The following CELF2 variants were observed in gnomAD, a reference collection of about 807,000 sequenced individuals.
CELF2 encodes CUGBP Elav-like family member 2.
CELF2 carries 8 observed loss-of-function variants against 62.6 expected under a neutral mutation model. That is an observed-to-expected ratio of 0.13 (90% CI 0.07 to 0.23). The LOEUF is 0.23. Ranked by LOEUF, CELF2 falls within the 10% of genes least tolerant of loss-of-function variation. CELF2 has a pLI of 1.00. For missense variants in CELF2, 333 were observed against 671.0 expected (o/e 0.50, Z 5.56); for synonymous variants, 258 against 250.0 (o/e 1.03, Z -0.30).
chr10:10,775,771 A>G, the CELF2 span, among the ~76,000 whole-genome samples: 5 of 152,346 alleles, frequency 3.3e-5, no homozygotes, highest in East Asian at 7.7e-4. Context: ...TGGTAATAAA[A>G]ACAATCTTTA....
At chr10:10,664,006 A>G in the CELF2 span, among the ~76,000 whole-genome samples, 2 of 152,112 alleles carry the variant, frequency 1.3e-5, no homozygotes, top group African/African-American at 4.8e-5. Context: ...AACTCCCAAA[A>G]CAAATTAGTT....
At chr10:10,713,851 G>A in the CELF2 span, among the ~76,000 whole-genome samples, 5 of 152,120 alleles carry the variant, frequency 3.3e-5, no homozygotes, top group African/African-American at 4.8e-5. Flanking sequence ...CCTGGCCAAC[G>A]TGGTGAAACC....
chr10:11,170,848 C>G (rs568901171), intron 2 of CELF2, among the ~76,000 whole-genome samples: 1 of 152,156 alleles, frequency 6.6e-6, no homozygotes, highest in Non-Finnish European at 1.5e-5. Flanking sequence ...AATCCCAAAT[C>G]ATAGCACTCT....
At chr10:10,916,664 G>C (rs748484133) in intron 1 of CELF2, among the ~76,000 whole-genome samples, 12 of 152,232 alleles carry the variant, frequency 7.9e-5, no homozygotes, top group Non-Finnish European at 1.6e-4. Context: ...CCGGAGTGGA[G>C]TGCAGTGGCG....
the CELF2 span, among the ~76,000 whole-genome samples, chr10:10,672,794 A>G: frequency 3.3e-5 from 5 of 152,080 alleles, no homozygotes; most frequent in Non-Finnish European, 5.9e-5. Flanking sequence ...TTTCCTATGT[A>G]TATAAATTTT....
intron 1 of CELF2, among the ~76,000 whole-genome samples, chr10:11,102,787 C>T (rs1330348019): frequency 1.3e-5 from 2 of 152,190 alleles, no homozygotes; most frequent in African/African-American, 2.4e-5. Flanking sequence ...TAAAACTCAA[C>T]CAAGCATGCC....
chr10:10,899,335 T>G (rs781381495), intron 1 of CELF2, among the ~76,000 whole-genome samples: 3 of 152,100 alleles, frequency 2.0e-5, no homozygotes, highest in Admixed American at 6.6e-5. Context: ...ATGGGGTGGG[T>G]GGGGAAAAAC....
intron 1 of CELF2, among the ~76,000 whole-genome samples, chr10:11,054,507 G>GTGTATGTA (rs376793091): frequency 6.6e-6 from 1 of 151,152 alleles, no homozygotes; most frequent in Non-Finnish European, 1.5e-5. Flanking sequence ...GTGTGTGTGT[G>GTGTATGTA]TGTGTGTGTG....
the CELF2 span, among the ~76,000 whole-genome samples, chr10:10,469,099 A>C: frequency 6.6e-6 from 1 of 151,956 alleles, no homozygotes; most frequent in East Asian, 1.9e-4. Context: ...TTAGTGTCTT[A>C]ATAAGTGAAA....
intron 1 of CELF2, among the ~76,000 whole-genome samples, chr10:11,063,023 A>C (rs1249911648): frequency 6.6e-6 from 1 of 152,212 alleles, no homozygotes; most frequent in Admixed American, 6.5e-5. Context: ...GGAAGACTCA[A>C]ACGATAGTTA....
rs1403669364 is a variant in CELF2 at position 11,214,752 on chromosome 10, T to C, written c.272-2673T>C. Among the ~76,000 whole-genome samples the C allele has an allele frequency of 6.6e-6, 1 of 152,256 alleles. No individual in the cohort carries two copies. Among genetic ancestry groups the C allele is most frequent in the Non-Finnish European group, 1.5e-5 (1 of 68,042 alleles). ...TCTTGGCATGATGTTAAAGAATACC[T>C]GTTTAGATGAGTGTACACTTTTAAC... On this transcript the variant is annotated intron_variant, in intron 2 of 12. Coordinates refer to ENST00000633077, the MANE Select transcript of CELF2 (RefSeq NM_001326342.2). This position sits in a 1 kb window ranked among gnomAD's most constrained non-coding sequence, Gnocchi z 4.2.
At chr10:10,523,996 G>A in the CELF2 span, among the ~76,000 whole-genome samples, 1 of 152,182 alleles carries the variant, frequency 6.6e-6, no homozygotes, top group South Asian at 2.1e-4. Context: ...TAGATAAACT[G>A]TATGTGTTAA....
intron 1 of CELF2, among the ~76,000 whole-genome samples, chr10:10,819,716 C>G (rs1481368280): frequency 1.3e-5 from 2 of 152,188 alleles, no homozygotes; most frequent in Admixed American, 1.3e-4. Flanking sequence ...TCAAGCAGCT[C>G]TCCAAGAGGG....
intron 1 of CELF2, among the ~76,000 whole-genome samples, chr10:10,893,953 A>T (rs568212905): frequency 6.6e-6 from 1 of 152,236 alleles, no homozygotes; most frequent in East Asian, 1.9e-4. Flanking sequence ...GATCCAAACC[A>T]TATCAGAAGG....
the CELF2 span, among the ~76,000 whole-genome samples, chr10:10,747,023 T>C: frequency 5.9e-5 from 9 of 152,234 alleles, no homozygotes; most frequent in African/African-American, 1.4e-4. Flanking sequence ...CTGGCTTCCT[T>C]GAAGTAAGTC....
At chr10:10,627,298 A>T in the CELF2 span, among the ~76,000 whole-genome samples, 2 of 152,204 alleles carry the variant, frequency 1.3e-5, no homozygotes, top group Admixed American at 6.5e-5. Context: ...CTCTCTAGGA[A>T]TGATTAGAAT....
chr10:10,575,499 T>C, the CELF2 span, among the ~76,000 whole-genome samples: 1 of 152,222 alleles, frequency 6.6e-6, no homozygotes, highest in Non-Finnish European at 1.5e-5. Flanking sequence ...TTGAGTGTGT[T>C]TTATGCAACA....
rs1195126876 is a variant in CELF2 at position 11,110,282 on chromosome 10, A to C, written c.75-55204A>C. On this transcript the variant is annotated intron_variant, in intron 1 of 12. Transcript: ENST00000633077. This position sits in a 1 kb window ranked among gnomAD's most constrained non-coding sequence, Gnocchi z 4.0. Reference sequence around the variant, plus strand: ...GAGCAAGACCATGTCTTAAAAAAAAAAATCTGCTTTTTGTTCTTTTCTAGC... The same window carrying C: ...GAGCAAGACCATGTCTTAAAAAAAACAATCTGCTTTTTGTTCTTTTCTAGC... Among the ~76,000 whole-genome samples the C allele has an allele frequency of 6.6e-6, 1 of 152,106 alleles. No homozygotes were observed.
rs549572795 is a variant in CELF2 at position 10,868,500 on chromosome 10, TG to T, written c.54-51462del. Among the ~76,000 whole-genome samples the T allele has an allele frequency of 1.4e-4, 22 of 152,370 alleles. No individual in the cohort carries two copies. The South Asian group carries it at 4.4e-3, about 30-fold the overall frequency. On this transcript the variant is annotated intron_variant, in intron 1 of 13. Coordinates refer to the CELF2 transcript ENST00000636488. ...AGGTCTCATGTCTGCTATATTCTAT[TG>T]GTCAAAGCAATTACAGAGCCTAACC...
Sources: gnomAD v4.1 joint callset for allele counts (sites outside exome capture counted in the v4.1 genomes callset) on GRCh38, gnomAD v4.1.1 for gene constraint, Gnocchi (gnomAD v3.1) non-coding constraint, MANE v1.5 for transcripts, NCBI Gene and HGNC (gene_info 2026-07-23, HGNC 2026-07-21) for gene names.